NUP37: variants seen among roughly 807,000 people sequenced by gnomAD.
NUP37 encodes nucleoporin 37, also known as nucleoporin Nup37.
NUP37 carries 33 observed loss-of-function variants against 45.4 expected under a neutral mutation model. The observed-to-expected ratio is 0.73, with a 90% CI of 0.55 to 0.97. NUP37 has a LOEUF of 0.97. Among genes scored for constraint, NUP37 ranks in the 50% least tolerant of loss-of-function variants. The pLI, the probability that NUP37 is intolerant of heterozygous loss-of-function variation, is 0.00. For synonymous variants in NUP37, 127 were observed against 130.7 expected, an observed-to-expected ratio of 0.97 and a Z score of 0.19; for missense variants, 365 against 389.7, an observed-to-expected ratio of 0.94 and a Z score of 0.53.
Position 102,118,358 on chromosome 12 carries a change from C to T in NUP37, c.156+5G>A. On this transcript the variant is annotated splice_donor_5th_base_variant and intron_variant, in intron 2 of 9. Transcript: ENST00000552283. ...CTGTCATTCGGTGCAGTTTTGTAGA[C>T]TAACCTGAAACGTACACGTGCCAAT... The T allele has an allele frequency of 6.2e-7, 1 of 1,609,690 alleles. No individual in the cohort carries two copies. The highest frequency in any genetic ancestry group is 8.5e-7 in the Non-Finnish European group (1 of 1,178,288).
chr12:102,108,677 A>G (rs1287723723), intron 3 of NUP37, among the ~76,000 whole-genome samples: 2 of 152,216 alleles, frequency 1.3e-5, no homozygotes, highest in Non-Finnish European at 2.9e-5. Context: ...ACTGTAAAAC[A>G]AAGCTTATTC....
intron 3 of NUP37, among the ~76,000 whole-genome samples, chr12:102,105,521 AC>A (rs2136746861): frequency 6.7e-6 from 1 of 150,286 alleles, no homozygotes; most frequent in Admixed American, 6.6e-5. Context: ...CAGGAGCGAA[AC>A]CCTGTCTCAA....
chr12:102,092,171 T>C (rs1166191498), intron 5 of NUP37, among the ~76,000 whole-genome samples: 1 of 152,234 alleles, frequency 6.6e-6, no homozygotes, highest in Non-Finnish European at 1.5e-5. Flanking sequence ...CATTGTTTGC[T>C]AGGAAATTCA....
Position 102,094,044 on chromosome 12 carries a change from A to G in NUP37, c.449+5062T>C, listed in dbSNP as rs549752109. Among the ~76,000 whole-genome samples, 15 of 152,220 alleles carry G rather than the reference A, an allele frequency of 9.9e-5. No homozygotes were observed. The South Asian group carries it at 2.3e-3, about 23-fold the overall frequency. On this transcript the variant is annotated intron_variant, in intron 5 of 9. Transcript: ENST00000552283. ...TATTACAGTCTTTCATTAACACCCT[A>G]TTTCACTGCATTGAATTTAAAAATG...
rs756458335 is a variant in NUP37 at position 102,099,183 on chromosome 12, G to A, written c.372C>T (p.Thr124=). 7 of 1,612,352 alleles carry A rather than the reference G, an allele frequency of 4.3e-6. No homozygotes were observed. Among genetic ancestry groups the A allele is most frequent in the East Asian group, 4.5e-5 (2 of 44,854 alleles). Residue 124 remains threonine (T), a synonymous_variant, in exon 5 of 10, where the codon ACC becomes ACT. Transcript: ENST00000552283. ...CAAACACCAAACCATTAATGAAATCGGTATGGCCCTCTAAAACCTGACAGA... is the reference window on the plus strand; with the variant it reads ...CAAACACCAAACCATTAATGAAATCAGTATGGCCCTCTAAAACCTGACAGA... ...KNEYKVLEGH[T]DFINGLVFDP...
At chr12:102,101,730 C>A (rs1379724868) in intron 3 of NUP37, among the ~76,000 whole-genome samples, 1 of 150,966 alleles carries the variant, frequency 6.6e-6, no homozygotes. Flanking sequence ...GCAAACACTC[C>A]TTTTTTTTTC....
chr12:102,118,299 T>C, intron 2 of NUP37, 64 bp downstream of exon 2: 1 of 1,440,572 alleles, frequency 6.9e-7, no homozygotes, highest in Non-Finnish European at 9.4e-7. Flanking sequence ...TAGATTTGGT[T>C]TGTGTAAGTT....
chr12:102,087,164 G>A (rs1468403659), intron 5 of NUP37, among the ~76,000 whole-genome samples: 1 of 152,114 alleles, frequency 6.6e-6, no homozygotes, highest in Non-Finnish European at 1.5e-5. Context: ...TTTCTTCTAG[G>A]TTTTATAGTT....
chr12:102,077,787 A>G (rs1269679360), intron 6 of NUP37, among the ~76,000 whole-genome samples: 2 of 152,234 alleles, frequency 1.3e-5, no homozygotes, highest in Non-Finnish European at 2.9e-5. Context: ...GGTCATGTGT[A>G]TAAGGTATAC....
Position 102,074,979 on chromosome 12 carries a change from T to G in NUP37, c.867+22A>C, listed in dbSNP as rs191144140. ...ATTAAAAAAAAAAAAAGCACGTATG[T>G]TACAAAACATTTCCACATTACCTGA... On this transcript the variant is annotated intron_variant, in intron 9 of 9. Coordinates refer to ENST00000552283, the MANE Select transcript of NUP37 (RefSeq NM_024057.4). The G allele has an allele frequency of 2.0e-5, 30 of 1,472,588 alleles. 1 individual carries two copies. The Admixed American group carries it at 5.1e-4, about 25-fold the overall frequency. 91.2% of individuals were successfully genotyped at this position (1,472,588 alleles called of 1,614,324 possible).
intron 5 of NUP37, among the ~76,000 whole-genome samples, chr12:102,093,925 A>G (rs1010929364): frequency 6.6e-6 from 1 of 152,138 alleles, no homozygotes; most frequent in African/African-American, 2.4e-5. Context: ...CATACAGAAA[A>G]GAACAAAGTA....
In NUP37 at chr12:102,087,176, A is replaced by T. The variant is rs1166082296; in HGVS notation, c.450-1320T>A. On this transcript the variant is annotated intron_variant, in intron 5 of 9. Transcript: ENST00000552283. ...ATTTTTCTTCTAGGTTTTATAGTTC[A>T]TATCTCATTAGGGAACCAATGAGGT... Among the ~76,000 whole-genome samples, 4 of 152,232 alleles carry T rather than the reference A, an allele frequency of 2.6e-5. No individual in the cohort carries two copies. The South Asian group carries it at 8.3e-4, about 31-fold the overall frequency.
At position 102,101,019 on chromosome 12, in the gene NUP37, G is replaced by T. The variant is rs1201879672; in HGVS notation, c.354+13C>A. On this transcript the variant is annotated intron_variant, in intron 4 of 9. Transcript: ENST00000552283. ...AAAATAAGCTCTAAAGATTTATATGGTTGTCAACATACCTTATATTCATTT... is the reference window on the plus strand; with the variant it reads ...AAAATAAGCTCTAAAGATTTATATGTTTGTCAACATACCTTATATTCATTT... 1 of 1,416,432 alleles carries T rather than the reference G, an allele frequency of 7.1e-7. No individual in the cohort carries two copies. The highest frequency in any genetic ancestry group is 9.7e-7 in the Non-Finnish European group (1 of 1,029,330). 87.7% of individuals were successfully genotyped at this position (1,416,432 alleles called of 1,614,324 possible). A position where few individuals can be genotyped will look rare whatever the true frequency, so the allele number is the denominator to read the frequency against.
At chr12:102,074,798 G>A (rs1264735608) in intron 9 of NUP37, 2 of 449,610 alleles carry the variant, frequency 4.4e-6, no homozygotes, top group East Asian at 6.9e-5. Flanking sequence ...AAAAAAACCT[G>A]TTGTCACTGG....
intron 2 of NUP37, 44 bp from the exon 3 acceptor site, chr12:102,112,276 CAA>C: frequency 6.7e-7 from 1 of 1,499,688 alleles, no homozygotes; most frequent in Non-Finnish European, 9.2e-7. Context: ...TGAGAACAAA[CAA>C]TATAATATTC....
intron 3 of NUP37, among the ~76,000 whole-genome samples, chr12:102,102,457 G>C (rs1411679761): frequency 6.6e-6 from 1 of 152,184 alleles, no homozygotes. Context: ...AAATATAACT[G>C]TTTTCTTGTG....
intron 7 of NUP37, 188 bp from the exon 8 acceptor site, chr12:102,077,035 G>T: frequency 1.6e-6 from 1 of 609,512 alleles, no homozygotes; most frequent in South Asian, 2.0e-5. Flanking sequence ...CCACTGCAGG[G>T]AACCATCATG....
intron 3 of NUP37, among the ~76,000 whole-genome samples, chr12:102,110,548 A>G (rs1000271222): frequency 6.6e-6 from 1 of 151,990 alleles, no homozygotes; most frequent in African/African-American, 2.4e-5. Flanking sequence ...GACAATAGCA[A>G]ATATTGGAGA....
In NUP37 at chr12:102,112,146, G is replaced by A. The variant is rs1880335913; in HGVS notation, c.243C>T (p.Ser81=). 2.5e-6 allele frequency: 4 copies of A among 1,613,668 alleles called. No homozygotes were observed. In the Admixed American group the frequency reaches 5.0e-5, roughly 20 times the overall value. ...GCAATGAATCAAGTCTAGTCTCTGG[G>A]CTCCAAGCTATGCCATCAACCCTGA... ...HGVRVDGIAW[S]PETRLDSLPP... The change falls in exon 3 of 10, where the codon AGC becomes AGT. Residue 81 remains serine (S), a synonymous_variant. Transcript: ENST00000552283.
Sources: gnomAD v4.1 joint callset for allele counts (sites outside exome capture counted in the v4.1 genomes callset) on GRCh38, gnomAD v4.1.1 for gene constraint, MANE v1.5 for transcripts, NCBI Gene and HGNC (gene_info 2026-07-23, HGNC 2026-07-21) for gene names.